Variants in UBE2L3 observed in about 807,000 individuals in gnomAD.
UBE2L3 encodes ubiquitin-conjugating enzyme E2 L3.
UBE2L3 carries 1 observed loss-of-function variant against 17.8 expected under a neutral mutation model. That is an observed-to-expected ratio of 0.06 (90% CI 0.02 to 0.27). UBE2L3 has a LOEUF of 0.27. UBE2L3 is among the 10% of genes least tolerant of loss of function. UBE2L3 has a pLI of 1.00. For synonymous variants in UBE2L3, 44 were observed against 68.5 expected (o/e 0.64, Z 1.76); for missense variants, 40 against 192.6 (o/e 0.21, Z 4.69).
At chr22:21,574,732 C>T (rs1326193642) in intron 1 of UBE2L3, among the ~76,000 whole-genome samples, 2 of 151,980 alleles carry the variant, frequency 1.3e-5, no homozygotes, top group Non-Finnish European at 2.9e-5. Flanking sequence ...CTTGGGAGGC[C>T]GAGGTGGGCG....
chr22:21,612,112 CAA>C, intron 3 of UBE2L3, among the ~76,000 whole-genome samples: 1 of 152,216 alleles, frequency 6.6e-6, no homozygotes, highest in South Asian at 2.1e-4. Context: ...AGGTGGAGTT[CAA>C]AGCCTTGCGC....
At chr22:21,576,687 G>A (rs371948643) in intron 1 of UBE2L3, among the ~76,000 whole-genome samples, 7 of 152,044 alleles carry the variant, frequency 4.6e-5, no homozygotes. Context: ...GCCCACCTCG[G>A]CCTCCCAAAA....
At chr22:21,592,658 TG>T (rs1928327251) in intron 1 of UBE2L3, among the ~76,000 whole-genome samples, 1 of 152,110 alleles carries the variant, frequency 6.6e-6, no homozygotes, top group Non-Finnish European at 1.5e-5. Flanking sequence ...GTCTGGGGCA[TG>T]GGGAGAGGCA....
intron 1 of UBE2L3, chr22:21,568,345 CTG>C (rs1030466139): frequency 8.0e-5 from 79 of 985,384 alleles, no homozygotes; most frequent in Non-Finnish European, 9.0e-5. Flanking sequence ...TCCTAGCAAA[CTG>C]TCGCCTTGTG....
intron 1 of UBE2L3, among the ~76,000 whole-genome samples, chr22:21,559,375 A>G (rs1310937552): frequency 6.7e-6 from 1 of 149,122 alleles, no homozygotes; most frequent in Non-Finnish European, 1.5e-5. Context: ...AAATAAACAA[A>G]CAAACAATAA....
intron 1 of UBE2L3, among the ~76,000 whole-genome samples, chr22:21,575,161 A>T (rs1208371364): frequency 1.3e-5 from 2 of 149,110 alleles, no homozygotes; most frequent in African/African-American, 4.9e-5. Flanking sequence ...CGGGAGGCTG[A>T]GGCAGGAGAA....
At chr22:21,567,695 G>T (rs574868977), upstream of UBE2L3, 15 of 1,560,666 alleles carry the variant, frequency 9.6e-6, no homozygotes, top group South Asian at 1.3e-4. Flanking sequence ...GGCTCCAGCC[G>T]CCCGGCCGGC....
At chr22:21,610,401 A>G (rs917105192) in intron 2 of UBE2L3, among the ~76,000 whole-genome samples, 2 of 152,214 alleles carry the variant, frequency 1.3e-5, no homozygotes, top group African/African-American at 4.8e-5. Context: ...AATGTGCAAC[A>G]CCAAGTATGA....
Position 21,579,225 on chromosome 22 carries a change from C to T in UBE2L3, c.27+11454C>T, listed in dbSNP as rs375683920. Reference sequence around the variant, plus strand: ...CAGGATGGTCTCGAACTTCTGACCTCAGGTTATCCACCTGCCTCGGCCTCC... The same window carrying T: ...CAGGATGGTCTCGAACTTCTGACCTTAGGTTATCCACCTGCCTCGGCCTCC... On this transcript the variant is annotated intron_variant, in intron 1 of 3. Coordinates refer to ENST00000342192, the MANE Select transcript of UBE2L3 (RefSeq NM_003347.4). 8.5e-5 allele frequency among the ~76,000 whole-genome samples: 13 copies of T among 152,150 alleles called. No homozygotes were observed. In the East Asian group the frequency reaches 1.9e-3, roughly 23 times the overall value.
chr22:21,562,187 C>A (rs1926457201), intron 1 of UBE2L3, among the ~76,000 whole-genome samples: 1 of 141,910 alleles, frequency 7.0e-6, no homozygotes, highest in Non-Finnish European at 1.5e-5. Context: ...CTGTGTACCT[C>A]TTTTTTTTTT....
At chr22:21,612,125 A>G (rs553685167) in intron 3 of UBE2L3, among the ~76,000 whole-genome samples, 1 of 152,278 alleles carries the variant, frequency 6.6e-6, no homozygotes, top group South Asian at 2.1e-4. Flanking sequence ...AGCCTTGCGC[A>G]AGAAAAATCA....
chr22:21,592,173 T>C (rs1424570225), intron 1 of UBE2L3, among the ~76,000 whole-genome samples: 1 of 152,164 alleles, frequency 6.6e-6, no homozygotes, highest in African/African-American at 2.4e-5. Context: ...AGGGGTCCTG[T>C]TGCCCACAAC....
intron 1 of UBE2L3, among the ~76,000 whole-genome samples, chr22:21,559,289 A>C (rs1926346721): frequency 6.6e-6 from 1 of 151,772 alleles, no homozygotes; most frequent in Admixed American, 6.6e-5. Context: ...TGGAGGTTAC[A>C]GTGAGCTGAG....
chr22:21,562,797 G>T (rs1263226437), upstream of UBE2L3, among the ~76,000 whole-genome samples: 1 of 149,552 alleles, frequency 6.7e-6, no homozygotes, highest in South Asian at 2.2e-4. Flanking sequence ...GAGCCACCGC[G>T]CCTGGCCCTG....
intron 2 of UBE2L3, among the ~76,000 whole-genome samples, 194 bp from the exon 3 acceptor site, chr22:21,610,663 T>A (rs1929429544): frequency 6.6e-6 from 1 of 152,226 alleles, no homozygotes; most frequent in African/African-American, 2.4e-5. Flanking sequence ...CTCAAGCCCC[T>A]TCTCAGTTTA....
intron 1 of UBE2L3, among the ~76,000 whole-genome samples, chr22:21,581,444 C>T (rs1927631909): frequency 6.6e-6 from 1 of 152,078 alleles, no homozygotes; most frequent in Non-Finnish European, 1.5e-5. Flanking sequence ...CCTACCTTGA[C>T]TTCCCAAAAT....
At chr22:21,590,694 G>T (rs904281425) in intron 1 of UBE2L3, among the ~76,000 whole-genome samples, 2 of 152,000 alleles carry the variant, frequency 1.3e-5, no homozygotes, top group Non-Finnish European at 2.9e-5. Flanking sequence ...CATTTTGTTT[G>T]CTAGGACTCC....
At chr22:21,562,908 A>G (rs1297862832), upstream of UBE2L3, among the ~76,000 whole-genome samples, 2 of 151,676 alleles carry the variant, frequency 1.3e-5, no homozygotes, top group Non-Finnish European at 2.9e-5. Flanking sequence ...ATGGGAGCAG[A>G]AGGGCCTGGT....
chr22:21,569,627 T>C (rs1386230673), intron 1 of UBE2L3, among the ~76,000 whole-genome samples: 1 of 152,208 alleles, frequency 6.6e-6, no homozygotes, highest in Admixed American at 6.5e-5. Context: ...AACCTCTTAC[T>C]TGGCATGCAG....
Sources: allele counts gnomAD v4.1 joint callset (sites outside exome capture counted in the v4.1 genomes callset), GRCh38; gene constraint gnomAD v4.1.1; transcripts MANE v1.5; gene names NCBI Gene and HGNC (gene_info 2026-07-23, HGNC 2026-07-21).